LOC128092253: variants seen among roughly 807,000 people sequenced by gnomAD.
the LOC128092253 span, among the ~76,000 whole-genome samples, chr6:133,954,701 G>A: frequency 6.6e-6 from 1 of 152,152 alleles, no homozygotes; most frequent in East Asian, 1.9e-4. Context: ...GGAGCAATTA[G>A]GTCAACCACA....
chr6:133,976,276 A>C, the LOC128092253 span, among the ~76,000 whole-genome samples: 13 of 152,220 alleles, frequency 8.5e-5, no homozygotes, highest in African/African-American at 3.1e-4. Context: ...TATAGTTAAG[A>C]GTTTGAAATG....
chr6:133,966,906 C>G, the LOC128092253 span, among the ~76,000 whole-genome samples: 1 of 152,194 alleles, frequency 6.6e-6, no homozygotes, highest in African/African-American at 2.4e-5. Flanking sequence ...CCTCCCATTG[C>G]AGAGTGGTGG....
the LOC128092253 span, among the ~76,000 whole-genome samples, chr6:133,972,201 C>A: frequency 6.6e-6 from 1 of 152,160 alleles, no homozygotes; most frequent in African/African-American, 2.4e-5. Context: ...GAGTCTACAT[C>A]TCTAAAAAAA....
At chr6:133,967,617 A>G in the LOC128092253 span, among the ~76,000 whole-genome samples, 1 of 152,164 alleles carries the variant, frequency 6.6e-6, no homozygotes, top group Non-Finnish European at 1.5e-5. Flanking sequence ...GTGAACCTAT[A>G]CAGCATGTTT....
At chr6:133,978,655 G>A in the LOC128092253 span, among the ~76,000 whole-genome samples, 1 of 152,134 alleles carries the variant, frequency 6.6e-6, no homozygotes, top group Non-Finnish European at 1.5e-5. Flanking sequence ...GAATACAAGA[G>A]TGAAAAAATA....
At chr6:133,961,418 C>T in the LOC128092253 span, among the ~76,000 whole-genome samples, 1 of 151,424 alleles carries the variant, frequency 6.6e-6, no homozygotes, top group African/African-American at 2.4e-5. Flanking sequence ...TTTCATATGG[C>T]TGGCTACTTC....
the LOC128092253 span, among the ~76,000 whole-genome samples, chr6:133,968,011 CTTTTTTTTTT>C: frequency 8.8e-5 from 12 of 136,088 alleles, no homozygotes; most frequent in African/African-American, 2.4e-4. Flanking sequence ...TGACTATTTT[CTTTTTTTTTT>C]TTTTTTGAGA....
chr6:133,959,161 A>G, the LOC128092253 span, among the ~76,000 whole-genome samples: 1 of 151,798 alleles, frequency 6.6e-6, no homozygotes, highest in Admixed American at 6.6e-5. Context: ...TGCCTCAGAC[A>G]CCCAAGTAGT....
chr6:133,965,665 C>T, the LOC128092253 span, among the ~76,000 whole-genome samples: 1 of 151,688 alleles, frequency 6.6e-6, no homozygotes, highest in Non-Finnish European at 1.5e-5. Flanking sequence ...ACTCATTTCA[C>T]TTAACAGATA....
the LOC128092253 span, chr6:133,969,059 A>T: frequency 6.6e-6 from 1 of 152,208 alleles, no homozygotes; most frequent in Non-Finnish European, 1.5e-5. Context: ...AAGATGAGAC[A>T]GGTTTTCAAT....
At chr6:133,977,722 A>G in the LOC128092253 span, among the ~76,000 whole-genome samples, 3 of 152,352 alleles carry the variant, frequency 2.0e-5, no homozygotes, top group African/African-American at 7.2e-5. Flanking sequence ...TTTCTCTCAT[A>G]CTCATGAGGT....
chr6:133,963,774 T>A, the LOC128092253 span, among the ~76,000 whole-genome samples: 1 of 150,206 alleles, frequency 6.7e-6, no homozygotes, highest in Non-Finnish European at 1.5e-5. Flanking sequence ...CTCACGCCTG[T>A]AATCCCAGCA....
At chr6:133,953,589 G>C in the LOC128092253 span, among the ~76,000 whole-genome samples, 1 of 152,152 alleles carries the variant, frequency 6.6e-6, no homozygotes, top group African/African-American at 2.4e-5. Context: ...CTGAGGTGGG[G>C]GAAACCGGTC....
At chr6:133,978,929 G>C in the LOC128092253 span, among the ~76,000 whole-genome samples, 1 of 152,088 alleles carries the variant, frequency 6.6e-6, no homozygotes, top group Non-Finnish European at 1.5e-5. Flanking sequence ...ATCATTTTCT[G>C]ATCTTTTTGT....
At chr6:133,974,642 T>C in the LOC128092253 span, among the ~76,000 whole-genome samples, 25 of 152,388 alleles carry the variant, frequency 1.6e-4, no homozygotes, top group East Asian at 3.9e-4. Flanking sequence ...CAGTTATTTC[T>C]TATTGTTACT....
At chr6:133,967,086 A>G in the LOC128092253 span, among the ~76,000 whole-genome samples, 1 of 152,128 alleles carries the variant, frequency 6.6e-6, no homozygotes, top group Admixed American at 6.5e-5. Context: ...CACTTTTCTC[A>G]CCGTAGCCAT....
At chr6:133,978,760 A>G in the LOC128092253 span, among the ~76,000 whole-genome samples, 23 of 152,342 alleles carry the variant, frequency 1.5e-4, no homozygotes, top group African/African-American at 4.3e-4. Flanking sequence ...ACTGTGTTCT[A>G]TCAGAAACTT....
chr6:133,954,400 A>G, the LOC128092253 span, among the ~76,000 whole-genome samples: 32 of 152,394 alleles, frequency 2.1e-4, no homozygotes, highest in South Asian at 5.8e-3. Flanking sequence ...CCATCCTGGC[A>G]TAATTTCGCA....
the LOC128092253 span, among the ~76,000 whole-genome samples, chr6:133,977,869 T>A: frequency 1.3e-5 from 2 of 152,202 alleles, no homozygotes; most frequent in Admixed American, 6.5e-5. Context: ...AGCTCTCATA[T>A]CCAACCTCTA....
Sources: gnomAD v4.1 joint callset for allele counts (sites outside exome capture counted in the v4.1 genomes callset) on GRCh38, gnomAD v4.1.1 for gene constraint, MANE v1.5 for transcripts.